NADK: variants seen among roughly 807,000 people sequenced by gnomAD.
The protein encoded by NADK is poly(P)/ATP NAD kinase.
In NADK, 22 loss-of-function variants were observed where a neutral mutation model predicts 49.8. The observed-to-expected ratio is 0.44, with a 90% CI of 0.32 to 0.63. NADK has a LOEUF of 0.63. NADK is among the 30% of genes least tolerant of loss of function. The pLI is 0.06. For missense variants in NADK, 438 were observed against 609.4 expected (o/e 0.72, Z 2.96); for synonymous variants, 268 against 253.7 (o/e 1.06, Z -0.54).
intron 7 of NADK, 66 bp downstream of exon 7, chr1:1,755,308 C>G (rs948204797): frequency 2.6e-6 from 3 of 1,157,230 alleles, no homozygotes; most frequent in African/African-American, 3.1e-5. Flanking sequence ...ATAAACCCCC[C>G]GCAAGCAAGC....
intron 1 of NADK, among the ~76,000 whole-genome samples, chr1:1,767,833 T>C (rs545462130): frequency 3.9e-5 from 6 of 152,188 alleles, no homozygotes; most frequent in African/African-American, 1.2e-4. Context: ...AATTCCTACA[T>C]TGAAGCCCTA....
At chr1:1,759,196 C>G (rs1381935188) in intron 3 of NADK, 2 of 1,572,152 alleles carry the variant, frequency 1.3e-6, no homozygotes, top group Admixed American at 1.8e-5. Context: ...CAGGCACCCA[C>G]CGCTGTGTGT....
chr1:1,763,517 G>C (rs988063203), intron 2 of NADK, among the ~76,000 whole-genome samples: 1 of 151,506 alleles, frequency 6.6e-6, no homozygotes, highest in Non-Finnish European at 1.5e-5. Context: ...TACTCAGGAG[G>C]CTGAGGCAGG....
intron 3 of NADK, chr1:1,761,683 C>CAAAGCCACTGGA (rs1287683241): frequency 2.7e-6 from 1 of 370,512 alleles, no homozygotes; most frequent in South Asian, 4.0e-5. Context: ...TCCACTTTCT[C>CAAAGCCACTGGA]AAAGCCACTG....
intron 1 of NADK, among the ~76,000 whole-genome samples, chr1:1,774,879 G>A (rs183414681): frequency 4.1e-4 from 62 of 152,088 alleles, no homozygotes; most frequent in African/African-American, 1.5e-3. Flanking sequence ...AGGCCGAGGC[G>A]GGCAGATCAC....
At chr1:1,756,477 C>G (rs779553086) in intron 5 of NADK, 26 bp downstream of exon 5, 1 of 1,613,778 alleles carries the variant, frequency 6.2e-7, no homozygotes, top group East Asian at 2.2e-5. Context: ...CTGGAGAAAC[C>G]AAGGACAGAG....
At chr1:1,776,018 G>A (rs1570593289) in intron 1 of NADK, among the ~76,000 whole-genome samples, 2 of 152,248 alleles carry the variant, frequency 1.3e-5, no homozygotes, top group East Asian at 3.9e-4. Flanking sequence ...GTACCTTCCT[G>A]CCATGACACA....
In NADK at chr1:1,765,162, G is replaced by T. The variant is rs983064971; in HGVS notation, c.179+66C>A. On this transcript the variant is annotated intron_variant, in intron 2 of 11. Coordinates refer to ENST00000341426, the MANE Select transcript of NADK (RefSeq NM_023018.5). ...CTACTCAGGAGAATTCTTCATAATC[G>T]TTTTAAGAAAGAATATTATGAAATC... The T allele has an allele frequency of 5.6e-6, 8 of 1,427,446 alleles. No homozygotes were observed. In the African/African-American group the frequency reaches 1.2e-4, roughly 21 times the overall value. The allele number at this position is 1,427,446 out of a possible 1,614,324, so 88.4% of individuals were successfully genotyped here.
chr1:1,776,490 G>A (rs1257065306), intron 1 of NADK, among the ~76,000 whole-genome samples: 3 of 152,152 alleles, frequency 2.0e-5, no homozygotes, highest in Non-Finnish European at 4.4e-5. Flanking sequence ...ACTGGTCCAA[G>A]TGAGGCAAGC....
At position 1,752,810 on chromosome 1, in the gene NADK, T is replaced by C; in HGVS notation, c.*94A>G. On this transcript the variant is annotated 3_prime_UTR_variant, in exon 12 of 12. Coordinates refer to ENST00000341426, the MANE Select transcript of NADK (RefSeq NM_023018.5). ...TACAGAAAGGAAGTGGCCGTGCCAC[T>C]GAGACAGGCGGTCACAGACACACGC... 9.0e-6 allele frequency: 13 copies of C among 1,450,846 alleles called. No individual in the cohort carries two copies. In the South Asian group the frequency reaches 1.6e-4, roughly 18 times the overall value. 89.9% of individuals were successfully genotyped at this position (1,450,846 alleles called of 1,614,324 possible).
intron 7 of NADK, 61 bp downstream of exon 7, chr1:1,755,313 G>A: frequency 8.3e-7 from 1 of 1,198,066 alleles, no homozygotes; most frequent in Non-Finnish European, 1.2e-6. Flanking sequence ...CCCCCCGCAA[G>A]CAAGCGAGAC....
In NADK at chr1:1,771,912, A is replaced by G. The variant is rs575903429; in HGVS notation, c.-41+6377T>C. Among the ~76,000 whole-genome samples, 805 of 151,732 alleles carry G rather than the reference A, an allele frequency of 5.3e-3. 14 individuals are homozygous for G. Among genetic ancestry groups the G allele is most frequent in the African/African-American group, 0.018 (748 of 41,320 alleles). ...AGCCTCAACCTTCCAGGCTCAAGCA[A>G]TCCTCCCACTTCAGCCTCCCAAGTA... On this transcript the variant is annotated intron_variant, in intron 1 of 11. Transcript: ENST00000341426.
chr1:1,759,914 AG>A, intron 3 of NADK: 3 of 1,550,522 alleles, frequency 1.9e-6, no homozygotes, highest in Non-Finnish European at 2.6e-6. Context: ...TGCCAGGACC[AG>A]GAAGTGCAGG....
intron 2 of NADK, among the ~76,000 whole-genome samples, chr1:1,764,517 T>C (rs1158647360): frequency 3.3e-5 from 5 of 152,226 alleles, no homozygotes; most frequent in African/African-American, 1.2e-4. Context: ...CCACCAGCCC[T>C]GCTCACAGTG....
Position 1,768,521 on chromosome 1 carries a change from A to C in NADK, c.-40-3075T>G, listed in dbSNP as rs1409012781. On this transcript the variant is annotated intron_variant, in intron 1 of 11. Coordinates refer to ENST00000341426, the MANE Select transcript of NADK (RefSeq NM_023018.5). ...CAGTGAACTGTGATTGTGCTGTTGC[A>C]CTCCAGCCTAGGCAATAGAGACCCT... 2.6e-5 allele frequency among the ~76,000 whole-genome samples: 4 copies of C among 152,122 alleles called. No homozygotes were observed. The South Asian group carries it at 8.3e-4, about 32-fold the overall frequency.
At chr1:1,756,793 T>C in intron 4 of NADK, 185 bp from the exon 5 acceptor site, 1 of 1,071,720 alleles carries the variant, frequency 9.3e-7, no homozygotes, top group Admixed American at 1.7e-5. Context: ...AAGAGATGAC[T>C]GGGCGGAGGG....
chr1:1,759,354 GGA>G (rs1490435584), intron 3 of NADK: 31 of 1,346,520 alleles, frequency 2.3e-5, no homozygotes, highest in Non-Finnish European at 2.9e-5. Context: ...GGTACTGCAC[GGA>G]GAGGGCAGGG....
chr1:1,759,029 C>G lies in NADK; in HGVS notation c.264-1719G>C, dbSNP rs1645627728. On this transcript the variant is annotated intron_variant, in intron 3 of 11. Coordinates refer to ENST00000341426, the MANE Select transcript of NADK (RefSeq NM_023018.5). ...GTGCAGGTGGCTCACGGTCCTCCGGCCTGGTCAGCCAGCAAAGCCCCCGCC... is the reference window on the plus strand; with the variant it reads ...GTGCAGGTGGCTCACGGTCCTCCGGGCTGGTCAGCCAGCAAAGCCCCCGCC... 8.3e-6 allele frequency: 12 copies of G among 1,444,564 alleles called. No homozygotes were observed. The South Asian group carries it at 1.7e-4, about 21-fold the overall frequency. 89.5% of individuals were successfully genotyped at this position (1,444,564 alleles called of 1,614,324 possible).
intron 3 of NADK, chr1:1,761,730 T>C (rs1395396285): frequency 4.0e-5 from 19 of 471,670 alleles, no homozygotes; most frequent in Middle Eastern, 6.0e-4. Flanking sequence ...CTCGGATGCC[T>C]GCACTCAGGG....
Sources: gnomAD v4.1 joint callset for allele counts (sites outside exome capture counted in the v4.1 genomes callset) on GRCh38, gnomAD v4.1.1 for gene constraint, MANE v1.5 for transcripts, NCBI Gene and HGNC (gene_info 2026-07-23, HGNC 2026-07-21) for gene names.